Variants in PTPRG observed in about 807,000 individuals in gnomAD.
PTPRG encodes the protein receptor-type tyrosine-protein phosphatase gamma.
In PTPRG, 102 loss-of-function variants were observed where a neutral mutation model predicts 165.3. That is an observed-to-expected ratio of 0.62 (90% CI 0.53 to 0.73). The LOEUF is 0.73. Among genes scored for constraint, PTPRG ranks in the 30% least tolerant of loss-of-function variants. The pLI is 0.00. For missense variants in PTPRG, 1,866 were observed against 1,861.4 expected (o/e 1.00, Z -0.05); for synonymous variants, 675 against 669.5 (o/e 1.01, Z -0.13).
At chr3:61,963,121 C>G (rs2107645681) in intron 2 of PTPRG, among the ~76,000 whole-genome samples, 1 of 152,164 alleles carries the variant, frequency 6.6e-6, no homozygotes, top group East Asian at 1.9e-4. Context: ...TTCGTAATTT[C>G]TGCCTTAATA....
chr3:62,264,659 G>A (rs934111830), intron 17 of PTPRG, among the ~76,000 whole-genome samples: 3 of 152,046 alleles, frequency 2.0e-5, no homozygotes, highest in African/African-American at 7.2e-5. Context: ...ATACTCTAAT[G>A]TGTGGATATA....
chr3:62,165,203 ACCTTT>A (rs1253771344), intron 7 of PTPRG, among the ~76,000 whole-genome samples: 1 of 151,964 alleles, frequency 6.6e-6, no homozygotes, highest in Non-Finnish European at 1.5e-5. Flanking sequence ...ACTTCCTTTA[ACCTTT>A]CCTCACAGGA....
intron 2 of PTPRG, among the ~76,000 whole-genome samples, chr3:61,767,294 T>C (rs916567536): frequency 6.6e-6 from 1 of 151,554 alleles, no homozygotes; most frequent in African/African-American, 2.4e-5. Context: ...TTTTAACTAA[T>C]TTTTTATGTT....
chr3:61,822,470 C>A (rs1293415032), intron 2 of PTPRG, among the ~76,000 whole-genome samples: 1 of 152,162 alleles, frequency 6.6e-6, no homozygotes, highest in Non-Finnish European at 1.5e-5. Flanking sequence ...GAAGCTTTCA[C>A]AGCCAACTCT....
At chr3:61,917,509 T>G (rs1376134395) in intron 2 of PTPRG, among the ~76,000 whole-genome samples, 3 of 152,252 alleles carry the variant, frequency 2.0e-5, no homozygotes, top group Admixed American at 2.0e-4. Context: ...GTAACATACC[T>G]CTCACACAGG....
At chr3:61,693,969 C>T (rs574054465) in intron 1 of PTPRG, among the ~76,000 whole-genome samples, 3 of 146,690 alleles carry the variant, frequency 2.0e-5, no homozygotes, top group Admixed American at 6.9e-5. Flanking sequence ...GATCACGATA[C>T]TGCACTCCAG....
intron 1 of PTPRG, among the ~76,000 whole-genome samples, chr3:61,648,376 T>C (rs1251882960): frequency 6.6e-6 from 1 of 152,238 alleles, no homozygotes; most frequent in Non-Finnish European, 1.5e-5. Flanking sequence ...AATGCCTTCC[T>C]GTGTTTCACA....
chr3:61,909,056 T>G (rs576683332), intron 2 of PTPRG, among the ~76,000 whole-genome samples: 2 of 152,370 alleles, frequency 1.3e-5, no homozygotes, highest in African/African-American at 4.8e-5. Flanking sequence ...TTCTACCCCT[T>G]CTGATAACTG....
rs1044997663 is a variant in PTPRG, at chr3:62,151,330, C to A, written c.683-5737C>A. 2.0e-5 allele frequency among the ~76,000 whole-genome samples: 3 copies of A among 152,190 alleles called. No individual in the cohort carries two copies. The East Asian group carries it at 5.8e-4, about 29-fold the overall frequency. ...CCCTTTGCATTCAAATAAGGTATTT[C>A]TTTTTCCAAATAAATCTCCCCTAAC... On this transcript the variant is annotated intron_variant, in intron 6 of 29. Coordinates refer to ENST00000474889, the MANE Select transcript of PTPRG (RefSeq NM_002841.4).
chr3:61,714,371 A>G (rs951194772), intron 1 of PTPRG, among the ~76,000 whole-genome samples: 2 of 152,164 alleles, frequency 1.3e-5, no homozygotes, highest in Non-Finnish European at 2.9e-5. Context: ...ACATTTCCTC[A>G]GTGGAAGACG....
chr3:61,831,615 C>G (rs1431140372), intron 2 of PTPRG, among the ~76,000 whole-genome samples: 1 of 152,082 alleles, frequency 6.6e-6, no homozygotes, highest in Non-Finnish European at 1.5e-5. Flanking sequence ...TTTGTTAATT[C>G]AGTTATTCTA....
At chr3:61,897,349 G>A (rs2038385437) in intron 2 of PTPRG, among the ~76,000 whole-genome samples, 1 of 152,006 alleles carries the variant, frequency 6.6e-6, no homozygotes, top group Admixed American at 6.5e-5. Context: ...CTGTTGAAAA[G>A]GGTATTCTTC....
intron 1 of PTPRG, among the ~76,000 whole-genome samples, chr3:61,648,395 C>G (rs558472066): frequency 1.3e-5 from 2 of 152,324 alleles, no homozygotes; most frequent in African/African-American, 4.8e-5. Flanking sequence ...CACATAGGCA[C>G]CAAGGATCCA....
intron 4 of PTPRG, among the ~76,000 whole-genome samples, chr3:62,013,507 A>G (rs917822858): frequency 6.6e-6 from 1 of 152,250 alleles, no homozygotes. Flanking sequence ...CAGAGGGACT[A>G]TAGTTAATAA....
chr3:61,774,370 G>A (rs594715), intron 2 of PTPRG, among the ~76,000 whole-genome samples: 128,585 of 152,156 alleles, frequency 0.85, 54,539 homozygotes, highest in East Asian at 0.94. Context: ...ATGAATATAA[G>A]TACCCCATTT....
In PTPRG at chr3:61,562,003, G is replaced by A; in HGVS notation, c.-285G>A. 3.4e-6 allele frequency: 1 copy of A among 291,928 alleles called. No homozygotes were observed. Among genetic ancestry groups the A allele is most frequent in the Non-Finnish European group, 6.3e-6 (1 of 158,650 alleles). 18.1% of individuals were successfully genotyped at this position (291,928 alleles called of 1,614,324 possible). A position where few individuals can be genotyped will look rare whatever the true frequency, so the allele number is the denominator to read the frequency against. ...CATCGCCGCCGGCCGCCGACTCCGC[G>A]CCCTGCCCGATCGGCTCTCTCCTTT... On this transcript the variant is annotated 5_prime_UTR_variant, in exon 1 of 30. Transcript: ENST00000474889.
At chr3:61,643,298 A>T (rs1008165294) in intron 1 of PTPRG, among the ~76,000 whole-genome samples, 5 of 152,170 alleles carry the variant, frequency 3.3e-5, no homozygotes, top group Non-Finnish European at 7.4e-5. Context: ...AGAGAGACAG[A>T]GACAGACAGA....
At chr3:61,857,437 G>T (rs760476752) in intron 2 of PTPRG, among the ~76,000 whole-genome samples, 5 of 152,172 alleles carry the variant, frequency 3.3e-5, no homozygotes, top group Admixed American at 6.6e-5. Context: ...AATGATGTCT[G>T]CCATGAATGG....
At chr3:62,262,650 A>C (rs1701734273) in intron 16 of PTPRG, 148 bp from the exon 17 acceptor site, 1 of 505,182 alleles carries the variant, frequency 2.0e-6, no homozygotes, top group Admixed American at 3.9e-5. Flanking sequence ...ACTCGTTATA[A>C]ATATATCAAT....
Sources: allele counts gnomAD v4.1 joint callset (sites outside exome capture counted in the v4.1 genomes callset), GRCh38; gene constraint gnomAD v4.1.1; transcripts MANE v1.5; gene names NCBI Gene and HGNC (gene_info 2026-07-23, HGNC 2026-07-21).